The following PLAAT1 variants were observed in gnomAD, a reference collection of about 807,000 sequenced individuals.
PLAAT1 encodes the protein phospholipase A and acyltransferase 1, also known as H-REV107 protein-related protein.
PLAAT1 carries 13 observed loss-of-function variants against 16.4 expected under a neutral mutation model. The observed-to-expected ratio is 0.79, with a 90% CI of 0.52 to 1.26. PLAAT1 has a LOEUF of 1.26. Among genes scored for constraint, PLAAT1 ranks in the 50% most tolerant of loss-of-function variants. The probability of loss-of-function intolerance (pLI) is 0.00; values close to 1 mark genes in which losing one functional copy is unlikely to be tolerated. For synonymous variants in PLAAT1, 73 were observed against 78.4 expected (o/e 0.93, Z 0.36); for missense variants, 218 against 207.8 (o/e 1.05, Z -0.30).
chr3:193,253,258 T>C (rs1180869558), intron 1 of PLAAT1, among the ~76,000 whole-genome samples: 2 of 152,218 alleles, frequency 1.3e-5, no homozygotes, highest in Non-Finnish European at 2.9e-5. Flanking sequence ...TTATTTCTCT[T>C]TATAAATATG....
At chr3:193,266,291 T>C (rs1465546936) in intron 3 of PLAAT1, among the ~76,000 whole-genome samples, 2 of 152,124 alleles carry the variant, frequency 1.3e-5, no homozygotes, top group African/African-American at 4.8e-5. Context: ...GTTGAACACA[T>C]TAAATATCTA....
At chr3:193,279,251 G>A (rs1241558611), downstream of PLAAT1, 1 of 781,014 alleles carries the variant, frequency 1.3e-6, no homozygotes, top group East Asian at 2.6e-5. Context: ...TATAGAAATA[G>A]CCTCACAGTA....
chr3:193,262,332 CT>C (rs1280617028), intron 2 of PLAAT1, among the ~76,000 whole-genome samples: 1 of 123,472 alleles, frequency 8.1e-6, no homozygotes, highest in Non-Finnish European at 1.6e-5. Flanking sequence ...AGGCTCAGGA[CT>C]TAGGGGGCTT....
chr3:193,277,877 G>C (rs1717296160), downstream of PLAAT1: 2 of 152,226 alleles, frequency 1.3e-5, no homozygotes, highest in Non-Finnish European at 2.9e-5. Flanking sequence ...TCAGGCTGGA[G>C]TGCAGTGGCA....
At chr3:193,275,459 C>T (rs1717152077), downstream of PLAAT1, among the ~76,000 whole-genome samples, 1 of 152,168 alleles carries the variant, frequency 6.6e-6, no homozygotes, top group African/African-American at 2.4e-5. Flanking sequence ...TGGAATTCTG[C>T]CCTTAAGAAG....
chr3:193,247,998 G>A (rs1446992699), intron 1 of PLAAT1, among the ~76,000 whole-genome samples: 3 of 152,150 alleles, frequency 2.0e-5, no homozygotes, highest in Non-Finnish European at 4.4e-5. Context: ...TTTTGGTCTA[G>A]ATCTGTCCAA....
upstream of PLAAT1, chr3:193,241,081 A>C (rs1309709835): frequency 6.6e-6 from 4 of 605,160 alleles, no homozygotes; most frequent in Non-Finnish European, 8.8e-6. Flanking sequence ...GCGCGCGCGG[A>C]GGCGGCTGCG....
At chr3:193,280,200 A>G (rs1241421237), downstream of PLAAT1, among the ~76,000 whole-genome samples, 1 of 151,868 alleles carries the variant, frequency 6.6e-6, no homozygotes, top group Admixed American at 6.6e-5. Context: ...ACAGGCGCCC[A>G]CCACCATGCA....
At chr3:193,244,072 AAGT>A (rs1191367995) in intron 1 of PLAAT1, among the ~76,000 whole-genome samples, 1 of 152,068 alleles carries the variant, frequency 6.6e-6, no homozygotes, top group Non-Finnish European at 1.5e-5. Flanking sequence ...CTTTATTCCT[AAGT>A]AGTATTCCAT....
rs372911796 is a variant in PLAAT1 at position 193,246,764 on chromosome 3, T to A, written c.-1+5231T>A. Among the ~76,000 whole-genome samples the A allele has an allele frequency of 1.4e-4, 21 of 152,380 alleles. No homozygotes were observed. The South Asian group carries it at 4.4e-3, about 32-fold the overall frequency. The stretch of plus-strand genomic sequence containing the variant: ...TTTAAATTTACTGTTGAATGCAGTT[T>A]GCTAGTATTTTGTTAAAGATCTTTG... On this transcript the variant is annotated intron_variant, in intron 1 of 3. Coordinates refer to ENST00000264735, the MANE Select transcript of PLAAT1 (RefSeq NM_020386.5).
chr3:193,279,323 A>C (rs1353047164), downstream of PLAAT1: 2 of 1,418,274 alleles, frequency 1.4e-6, no homozygotes, highest in Non-Finnish European at 2.0e-6. Flanking sequence ...TACATGGTCC[A>C]TGTACATGAG....
rs141914274 is a variant in PLAAT1 at position 193,261,720 on chromosome 3, T to C, written c.140-1250T>C. Among the ~76,000 whole-genome samples the C allele has an allele frequency of 4.9e-3, 753 of 152,314 alleles. 7 individuals are homozygous for C. Among genetic ancestry groups the C allele is most frequent in the African/African-American group, 0.017 (718 of 41,568 alleles). On this transcript the variant is annotated intron_variant, in intron 2 of 3. Coordinates refer to ENST00000264735, the MANE Select transcript of PLAAT1 (RefSeq NM_020386.5). ...TGCCTTAAATTCCATATTATTGTGG[T>C]TTGAGCGTTCAGGTTTGATCCTGTA...
intron 1 of PLAAT1, among the ~76,000 whole-genome samples, chr3:193,245,379 T>A (rs375611595): frequency 6.6e-6 from 1 of 152,326 alleles, no homozygotes; most frequent in African/African-American, 2.4e-5. Flanking sequence ...ATTTCCTTTT[T>A]TAAAAGGCTG....
At chr3:193,265,272 G>A (rs184242695) in intron 3 of PLAAT1, among the ~76,000 whole-genome samples, 4 of 151,924 alleles carry the variant, frequency 2.6e-5, no homozygotes, top group Admixed American at 2.6e-4. Context: ...GACAAAATGG[G>A]GTATATCCAT....
chr3:193,248,433 G>T (rs1400567653), intron 1 of PLAAT1, among the ~76,000 whole-genome samples: 1 of 152,038 alleles, frequency 6.6e-6, no homozygotes, highest in South Asian at 2.1e-4. Flanking sequence ...TGGTAGGTAA[G>T]AACTTACTAT....
intron 1 of PLAAT1, among the ~76,000 whole-genome samples, chr3:193,251,379 C>T (rs745625562): frequency 3.3e-5 from 5 of 152,092 alleles, no homozygotes; most frequent in Admixed American, 6.6e-5. Flanking sequence ...TCCCAGATAC[C>T]GGTGTATTAC....
At chr3:193,264,125 CATA>C (rs1236942548) in intron 3 of PLAAT1, among the ~76,000 whole-genome samples, 1 of 151,896 alleles carries the variant, frequency 6.6e-6, no homozygotes, top group Non-Finnish European at 1.5e-5. Context: ...AGGATAATAC[CATA>C]ATATTTTAAT....
At chr3:193,264,511 C>CT (rs34935727) in intron 3 of PLAAT1, among the ~76,000 whole-genome samples, 127,128 of 147,906 alleles carry the variant, frequency 0.86, 54,660 homozygotes, top group East Asian at 0.97. Flanking sequence ...TCTTCTTCTT[C>CT]TTTTTTTTTT....
At chr3:193,260,852 A>G (rs1226994057) in intron 2 of PLAAT1, among the ~76,000 whole-genome samples, 1 of 152,210 alleles carries the variant, frequency 6.6e-6, no homozygotes, top group Non-Finnish European at 1.5e-5. Flanking sequence ...CTGCATATAT[A>G]TCCAAAGGAA....
Sources: gnomAD v4.1 joint callset for allele counts (sites outside exome capture counted in the v4.1 genomes callset) on GRCh38, gnomAD v4.1.1 for gene constraint, MANE v1.5 for transcripts, NCBI Gene and HGNC (gene_info 2026-07-23, HGNC 2026-07-21) for gene names.